KCNAB1: variants seen among roughly 807,000 people sequenced by gnomAD.
KCNAB1 encodes the protein potassium voltage-gated channel subfamily A regulatory beta subunit 1.
A neutral mutation model predicts 64.6 loss-of-function variants in KCNAB1; 35 were observed. That is an observed-to-expected ratio of 0.54 (90% CI 0.41 to 0.72). The LOEUF (loss-of-function observed/expected upper bound fraction) is 0.72. KCNAB1 is among the 30% of genes least tolerant of loss of function. The pLI is 0.00. For synonymous variants in KCNAB1, 177 were observed against 183.8 expected (o/e 0.96, Z 0.30); for missense variants, 401 against 512.9 (o/e 0.78, Z 2.11).
intron 12 of KCNAB1, among the ~76,000 whole-genome samples, chr3:156,529,299 A>C (rs978667303): frequency 1.3e-5 from 2 of 152,198 alleles, no homozygotes; most frequent in African/African-American, 2.4e-5. Context: ...TGGAGACAAA[A>C]AGTAGATCAG....
At chr3:156,426,234 A>G (rs1576849376) in intron 2 of KCNAB1, among the ~76,000 whole-genome samples, 2 of 151,886 alleles carry the variant, frequency 1.3e-5, no homozygotes, top group African/African-American at 4.8e-5. Context: ...ATCTCTCTCC[A>G]CTCTCTTCCT....
intron 1 of KCNAB1, among the ~76,000 whole-genome samples, chr3:156,135,122 G>A (rs1315469701): frequency 1.3e-5 from 2 of 151,608 alleles, no homozygotes; most frequent in East Asian, 1.9e-4. Flanking sequence ...TCAGCCTCCC[G>A]AGTAGCTGGA....
At chr3:156,372,581 T>C (rs1451404132) in intron 1 of KCNAB1, among the ~76,000 whole-genome samples, 1 of 152,194 alleles carries the variant, frequency 6.6e-6, no homozygotes, top group Non-Finnish European at 1.5e-5. Flanking sequence ...TGAGAACCAC[T>C]GAATTGTACA....
chr3:156,227,763 C>T (rs767534892), intron 1 of KCNAB1: 2 of 152,258 alleles, frequency 1.3e-5, no homozygotes, highest in Non-Finnish European at 2.9e-5. Context: ...TCACCCTAAA[C>T]TCCGGAAACG....
At chr3:156,271,604 T>C (rs918429617) in intron 1 of KCNAB1, among the ~76,000 whole-genome samples, 2 of 152,236 alleles carry the variant, frequency 1.3e-5, no homozygotes, top group African/African-American at 4.8e-5. Flanking sequence ...CTGTGTTAGC[T>C]TGAGTTTCGT....
chr3:156,142,413 G>T (rs1474332826), intron 1 of KCNAB1, among the ~76,000 whole-genome samples: 3 of 152,118 alleles, frequency 2.0e-5, no homozygotes, highest in African/African-American at 7.2e-5. Flanking sequence ...GATCAATTTT[G>T]CGTTGATTTT....
intron 5 of KCNAB1, among the ~76,000 whole-genome samples, chr3:156,462,564 A>T (rs112509763): frequency 3.0e-4 from 46 of 151,930 alleles, no homozygotes; most frequent in African/African-American, 1.1e-3. Flanking sequence ...TTTTGGGGGG[A>T]TTCACTTCAG....
intron 1 of KCNAB1, among the ~76,000 whole-genome samples, chr3:156,350,088 C>G (rs1724761254): frequency 6.6e-6 from 1 of 152,122 alleles, no homozygotes; most frequent in African/African-American, 2.4e-5. Flanking sequence ...GTATGCATGA[C>G]TTGTTATTTT....
At chr3:156,152,315 G>A (rs1383418440) in intron 1 of KCNAB1, among the ~76,000 whole-genome samples, 1 of 152,190 alleles carries the variant, frequency 6.6e-6, no homozygotes, top group African/African-American at 2.4e-5. Context: ...CCACAGACAC[G>A]GTTACCTCAG....
chr3:156,239,408 A>G (rs1228523739), intron 1 of KCNAB1, among the ~76,000 whole-genome samples: 1 of 152,240 alleles, frequency 6.6e-6, no homozygotes, highest in Non-Finnish European at 1.5e-5. Context: ...TTCTTAGCAG[A>G]TAGGCAGTGA....
At chr3:156,145,030 C>T (rs1333831973) in intron 1 of KCNAB1, among the ~76,000 whole-genome samples, 1 of 152,122 alleles carries the variant, frequency 6.6e-6, no homozygotes, top group South Asian at 2.1e-4. Context: ...AGCAGTCATC[C>T]CCCAGCCTCT....
At chr3:156,535,684 G>T (rs914675997) in intron 13 of KCNAB1, among the ~76,000 whole-genome samples, 3 of 152,114 alleles carry the variant, frequency 2.0e-5, no homozygotes, top group African/African-American at 7.2e-5. Flanking sequence ...TATACTTCTA[G>T]TTACTCAGTC....
At position 156,537,245 on chromosome 3, in the gene KCNAB1, A is replaced by T. The variant is rs1719121145; in HGVS notation, c.*498A>T. On this transcript the variant is annotated 3_prime_UTR_variant, in exon 14 of 14. Coordinates refer to ENST00000490337, the MANE Select transcript of KCNAB1 (RefSeq NM_172160.3). ...ATTAAAAATATATCTCACTGCAAAA[A>T]AAAAAAAGCAGTATCTTCACTCAAA... is the stretch of plus-strand genomic sequence containing the variant. The T allele has an allele frequency of 5.1e-6, 2 of 391,328 alleles. No individual in the cohort carries two copies. The highest frequency in any genetic ancestry group is 7.3e-5 in the East Asian group (2 of 27,526). The allele number at this position is 391,328 out of a possible 1,614,324, so 24.2% of individuals were successfully genotyped here.
rs574797207 is a variant in KCNAB1, at chr3:156,408,764, A to C, written c.276-12852A>C. Among the ~76,000 whole-genome samples the C allele has an allele frequency of 2.1e-3, 321 of 152,140 alleles. 1 individual carries two copies. Among genetic ancestry groups the C allele is most frequent in the African/African-American group, 7.4e-3 (307 of 41,478 alleles). ...CACTGCACTGCAGCCTGGGTGACAG[A>C]GTGAGACTCCATCTCCATAAAAAAA... On this transcript the variant is annotated intron_variant, in intron 1 of 13. Coordinates refer to ENST00000490337, the MANE Select transcript of KCNAB1 (RefSeq NM_172160.3).
At chr3:156,224,491 A>G (rs1047654651) in intron 1 of KCNAB1, among the ~76,000 whole-genome samples, 12 of 152,246 alleles carry the variant, frequency 7.9e-5, no homozygotes, top group African/African-American at 2.2e-4. Context: ...CACCTCTCAA[A>G]TCTAAGTTCT....
chr3:156,428,873 TTCACACATCC>T (rs1266268713), intron 2 of KCNAB1, among the ~76,000 whole-genome samples: 1 of 152,152 alleles, frequency 6.6e-6, no homozygotes, highest in Non-Finnish European at 1.5e-5. Flanking sequence ...GGGTCCCTGT[TTCACACATCC>T]TCAAGACTTT....
chr3:156,143,955 A>T (rs1262537434), intron 1 of KCNAB1, among the ~76,000 whole-genome samples: 1 of 151,758 alleles, frequency 6.6e-6, no homozygotes, highest in East Asian at 1.9e-4. Context: ...AATCAGTGTC[A>T]CCCAAGATAA....
intron 1 of KCNAB1, among the ~76,000 whole-genome samples, chr3:156,376,472 C>G (rs987129345): frequency 6.6e-6 from 1 of 152,024 alleles, no homozygotes; most frequent in East Asian, 1.9e-4. Flanking sequence ...AAAATGAGGG[C>G]AAGGCCAACA....
intron 7 of KCNAB1, among the ~76,000 whole-genome samples, chr3:156,466,972 A>G (rs1713451858): frequency 6.6e-6 from 1 of 152,096 alleles, no homozygotes; most frequent in African/African-American, 2.4e-5. Context: ...ATTACATCTC[A>G]ATAAACCCAT....
Sources: allele counts gnomAD v4.1 joint callset (sites outside exome capture counted in the v4.1 genomes callset), GRCh38; gene constraint gnomAD v4.1.1; transcripts MANE v1.5; gene names NCBI Gene and HGNC (gene_info 2026-07-23, HGNC 2026-07-21).